The following TMEM132B variants were observed in gnomAD, a reference collection of about 807,000 sequenced individuals.
The protein encoded by TMEM132B is transmembrane protein 132B.
TMEM132B carries 18 observed loss-of-function variants against 90.8 expected under a neutral mutation model. The ratio of observed to expected loss-of-function variants is 0.20; its 90% CI spans 0.14 to 0.29. TMEM132B has a LOEUF of 0.29. Among genes scored for constraint, TMEM132B ranks in the 10% least tolerant of loss-of-function variants. The pLI, the probability that TMEM132B is intolerant of heterozygous loss-of-function variation, is 1.00. For synonymous variants in TMEM132B, 504 were observed against 523.3 expected (o/e 0.96, Z 0.50); for missense variants, 1,096 against 1,326.8 (o/e 0.83, Z 2.70).
intron 4 of TMEM132B, among the ~76,000 whole-genome samples, chr12:125,578,047 T>C (rs751911917): frequency 6.6e-6 from 1 of 152,148 alleles, no homozygotes; most frequent in African/African-American, 2.4e-5. Flanking sequence ...GAATGCTCCA[T>C]GTAAATGCAG....
At chr12:125,384,903 T>C (rs531945643) in intron 2 of TMEM132B, among the ~76,000 whole-genome samples, 16 of 152,266 alleles carry the variant, frequency 1.1e-4, no homozygotes, top group African/African-American at 3.8e-4. Flanking sequence ...CCACCTGCCT[T>C]GGCCTCCCAA....
At chr12:125,382,920 A>G (rs1878726116) in intron 2 of TMEM132B, among the ~76,000 whole-genome samples, 1 of 152,210 alleles carries the variant, frequency 6.6e-6, no homozygotes, top group Non-Finnish European at 1.5e-5. Flanking sequence ...TAGGAGACAT[A>G]GACAGGTAAA....
intron 5 of TMEM132B, among the ~76,000 whole-genome samples, chr12:125,609,548 G>A (rs997359484): frequency 2.6e-5 from 4 of 152,146 alleles, no homozygotes; most frequent in South Asian, 4.2e-4. Flanking sequence ...GGGCGTGGTA[G>A]CTCATGCTTG....
intron 1 of TMEM132B, among the ~76,000 whole-genome samples, chr12:125,316,464 T>C (rs1256355509): frequency 1.3e-5 from 2 of 152,226 alleles, no homozygotes; most frequent in African/African-American, 4.8e-5. Context: ...GGTTCTTTTC[T>C]TTCCTTTTTA....
At chr12:125,358,048 T>C (rs1877839248) in intron 2 of TMEM132B, among the ~76,000 whole-genome samples, 1 of 152,218 alleles carries the variant, frequency 6.6e-6, no homozygotes, top group African/African-American at 2.4e-5. Flanking sequence ...TGGTCGCCTA[T>C]TATATGTGGC....
chr12:125,230,880 C>T (rs562111057), intron 1 of TMEM132B, among the ~76,000 whole-genome samples: 18 of 152,292 alleles, frequency 1.2e-4, no homozygotes, highest in African/African-American at 4.3e-4. Context: ...AGGTGAATCT[C>T]TCTTGGTCTG....
chr12:125,436,124 T>A (rs1001251959), intron 3 of TMEM132B, among the ~76,000 whole-genome samples: 1 of 152,034 alleles, frequency 6.6e-6, no homozygotes, highest in African/African-American at 2.4e-5. Flanking sequence ...CATGTTCCAG[T>A]GGAAAGTAGA....
intron 4 of TMEM132B, among the ~76,000 whole-genome samples, chr12:125,568,302 T>C (rs919140013): frequency 6.6e-6 from 1 of 152,232 alleles, no homozygotes. Context: ...GTACATGAGA[T>C]GTTTTGATAC....
At chr12:125,366,884 T>C (rs1485795413) in intron 2 of TMEM132B, among the ~76,000 whole-genome samples, 1 of 152,214 alleles carries the variant, frequency 6.6e-6, no homozygotes, top group African/African-American at 2.4e-5. Context: ...TCATTTTACA[T>C]TGAATAATTC....
intron 3 of TMEM132B, among the ~76,000 whole-genome samples, chr12:125,488,218 A>G (rs1239826927): frequency 6.6e-6 from 1 of 152,224 alleles, no homozygotes; most frequent in Non-Finnish European, 1.5e-5. Flanking sequence ...AAGGAAGGCT[A>G]TTATTATCAT....
At chr12:125,191,636 C>T (rs1012101304) in intron 1 of TMEM132B, among the ~76,000 whole-genome samples, 4 of 152,204 alleles carry the variant, frequency 2.6e-5, no homozygotes, top group African/African-American at 9.6e-5. Context: ...TTCCCTCTCT[C>T]TTTGCAACAA....
intron 3 of TMEM132B, among the ~76,000 whole-genome samples, chr12:125,439,241 C>T (rs1880795107): frequency 1.3e-5 from 2 of 152,022 alleles, no homozygotes; most frequent in Non-Finnish European, 2.9e-5. Context: ...AGCATTGAAT[C>T]TGCACATTGC....
chr12:125,284,145 A>G (rs1158598926), intron 1 of TMEM132B, among the ~76,000 whole-genome samples: 10 of 152,060 alleles, frequency 6.6e-5, no homozygotes, highest in African/African-American at 2.2e-4. Flanking sequence ...TTTTTGTCTT[A>G]TTATTTGTTT....
At position 125,439,148 on chromosome 12, in the gene TMEM132B, T is replaced by C. The variant is rs576378828; in HGVS notation, c.1106+23471T>C. Among the ~76,000 whole-genome samples the C allele has an allele frequency of 2.1e-4, 11 of 51,164 alleles. No homozygotes were observed. In the South Asian group the frequency reaches 3.2e-3, roughly 15 times the overall value. The allele number at this position is 51,164 out of a possible 152,430, so 33.6% of individuals were successfully genotyped here. A position where few individuals can be genotyped will look rare whatever the true frequency, so the allele number is the denominator to read the frequency against. ...GGATTGTCTTGGCTGTTCAGGCTCTTTTTTTTTTTGGTTTTATATTAATTT... is the reference window on the plus strand; with the variant it reads ...GGATTGTCTTGGCTGTTCAGGCTCTCTTTTTTTTTGGTTTTATATTAATTT... On this transcript the variant is annotated intron_variant, in intron 3 of 8. Coordinates refer to ENST00000682704, the MANE Select transcript of TMEM132B (RefSeq NM_001366854.1).
intron 5 of TMEM132B, among the ~76,000 whole-genome samples, chr12:125,609,471 T>C (rs969970029): frequency 5.3e-5 from 8 of 151,990 alleles, no homozygotes; most frequent in African/African-American, 1.9e-4. Flanking sequence ...AGAAATTGCA[T>C]TGGATTTGTA....
intron 3 of TMEM132B, 62 bp from the exon 4 acceptor site, chr12:125,519,377 T>G: frequency 6.7e-7 from 1 of 1,485,090 alleles, no homozygotes; most frequent in Non-Finnish European, 9.1e-7. Context: ...ATTTATTACA[T>G]TCTTGACATT....
intron 3 of TMEM132B, among the ~76,000 whole-genome samples, chr12:125,505,010 A>G (rs1391825783): frequency 6.6e-6 from 1 of 151,950 alleles, no homozygotes; most frequent in East Asian, 1.9e-4. Flanking sequence ...GCTCAGCTTA[A>G]CTCCCTATTT....
chr12:125,563,598 C>A lies in TMEM132B; in HGVS notation c.1294-20253C>A, dbSNP rs79079410. On this transcript the variant is annotated intron_variant, in intron 4 of 8. Coordinates refer to ENST00000682704, the MANE Select transcript of TMEM132B (RefSeq NM_001366854.1). ...ACAAACAAACAAACAAACAAACAAA[C>A]AAAAAAAAACCCCACAGTATCTGTG... is the stretch of plus-strand genomic sequence containing the variant. Among the ~76,000 whole-genome samples the A allele has an allele frequency of 1.2e-3, 182 of 150,276 alleles. 3 individuals carry two copies. Among genetic ancestry groups the A allele is most frequent in the South Asian group, 4.7e-3 (22 of 4,692 alleles).
chr12:125,494,977 C>T (rs1882507302), intron 3 of TMEM132B, among the ~76,000 whole-genome samples: 1 of 130,788 alleles, frequency 7.6e-6, no homozygotes, highest in Non-Finnish European at 1.6e-5. Context: ...TCCTCCCCCT[C>T]CTCCCTGGAA....
Sources: gnomAD v4.1 joint callset for allele counts (sites outside exome capture counted in the v4.1 genomes callset) on GRCh38, gnomAD v4.1.1 for gene constraint, MANE v1.5 for transcripts, NCBI Gene and HGNC (gene_info 2026-07-23, HGNC 2026-07-21) for gene names.